Variants in FOXP2 observed in about 807,000 individuals in gnomAD.
FOXP2 encodes the protein forkhead box P2.
In FOXP2, 12 loss-of-function variants were observed where a neutral mutation model predicts 115.8. The observed-to-expected ratio is 0.10, with a 90% CI of 0.07 to 0.17. The LOEUF (loss-of-function observed/expected upper bound fraction) is 0.17, where lower values mean the gene tolerates loss of function less well. Among genes scored for constraint, FOXP2 ranks in the 10% least tolerant of loss-of-function variants. The pLI, the probability that FOXP2 is intolerant of heterozygous loss-of-function variation, is 1.00. For synonymous variants in FOXP2, 328 were observed against 297.7 expected (o/e 1.10, Z -1.05); for missense variants, 629 against 843.5 (o/e 0.75, Z 3.15).
chr7:114,543,176 G>C (rs1799763613), intron 3 of FOXP2, among the ~76,000 whole-genome samples: 1 of 151,978 alleles, frequency 6.6e-6, no homozygotes, highest in Non-Finnish European at 1.5e-5. Flanking sequence ...AATTATGTTT[G>C]GTCACTAAGT....
chr7:114,296,650 C>A (rs2129177498), intron 2 of FOXP2, among the ~76,000 whole-genome samples: 1 of 152,184 alleles, frequency 6.6e-6, no homozygotes, highest in African/African-American at 2.4e-5. Context: ...GCATATAATG[C>A]CGCAATAACA....
intron 2 of FOXP2, among the ~76,000 whole-genome samples, chr7:114,451,837 G>T (rs1163740303): frequency 6.6e-6 from 1 of 151,980 alleles, no homozygotes; most frequent in Non-Finnish European, 1.5e-5. Context: ...TAAGATAGAA[G>T]GATGATTAAG....
At chr7:114,417,880 T>C (rs1236718193) in intron 1 of FOXP2, among the ~76,000 whole-genome samples, 4 of 151,964 alleles carry the variant, frequency 2.6e-5, no homozygotes, top group African/African-American at 9.7e-5. Context: ...TTGGAAATGA[T>C]ACTATGAAAG....
At chr7:114,502,601 G>A (rs1797617264) in intron 2 of FOXP2, among the ~76,000 whole-genome samples, 1 of 152,162 alleles carries the variant, frequency 6.6e-6, no homozygotes, top group African/African-American at 2.4e-5. Flanking sequence ...ACAGAGTCAT[G>A]CAGAAATCTG....
At chr7:114,170,990 A>G (rs1323314213) in intron 1 of FOXP2, among the ~76,000 whole-genome samples, 1 of 152,222 alleles carries the variant, frequency 6.6e-6, no homozygotes, top group African/African-American at 2.4e-5. Flanking sequence ...CTAGCTAGAG[A>G]AGTGAGGTCA....
At chr7:114,480,759 A>G (rs562751335) in intron 2 of FOXP2, among the ~76,000 whole-genome samples, 107 of 150,560 alleles carry the variant, frequency 7.1e-4, no homozygotes, top group Admixed American at 1.9e-3. Context: ...GTATACGTAT[A>G]TATATACGTA....
At chr7:114,132,250 C>G (rs1021124389) in intron 1 of FOXP2, among the ~76,000 whole-genome samples, 1 of 151,914 alleles carries the variant, frequency 6.6e-6, no homozygotes, top group South Asian at 2.1e-4. Context: ...AATTCTTTTT[C>G]TACTTTTTTC....
chr7:114,518,933 G>T (rs73429327), intron 2 of FOXP2, among the ~76,000 whole-genome samples: 3,993 of 152,224 alleles, frequency 0.026, 176 homozygotes, highest in African/African-American at 0.088. Context: ...TTGTCAGTTT[G>T]CATCACCGTC....
At chr7:114,216,712 T>C (rs1412248660) in intron 1 of FOXP2, among the ~76,000 whole-genome samples, 2 of 152,156 alleles carry the variant, frequency 1.3e-5, no homozygotes, top group Non-Finnish European at 2.9e-5. Flanking sequence ...ATTTCTGGTG[T>C]CTGAATTGCT....
intron 3 of FOXP2, among the ~76,000 whole-genome samples, chr7:114,599,860 A>G (rs1010909825): frequency 2.5e-4 from 38 of 152,156 alleles, no homozygotes; most frequent in African/African-American, 8.9e-4. Context: ...AAAAATTAAT[A>G]GACTTTAGTT....
chr7:114,314,927 G>T (rs1294411470), intron 2 of FOXP2, among the ~76,000 whole-genome samples: 1 of 152,028 alleles, frequency 6.6e-6, no homozygotes, highest in Non-Finnish European at 1.5e-5. Context: ...TATATAGATG[G>T]CTATTTAACA....
At chr7:114,087,351 G>A (rs1799440372), upstream of FOXP2, among the ~76,000 whole-genome samples, 2 of 152,238 alleles carry the variant, frequency 1.3e-5, no homozygotes, top group South Asian at 4.1e-4. Flanking sequence ...CCCTGTCCAC[G>A]CGTTAGCACG....
Position 114,690,574 on chromosome 7 carries a change from C to A in FOXP2, c.*648C>A, listed in dbSNP as rs1296074712. ...TGTTGCAACCATCTAAAACCTTAGG[C>A]TTCCAGTCTGTGCTGTTAGTGTTAA... On this transcript the variant is annotated 3_prime_UTR_variant, in exon 17 of 17. Coordinates refer to ENST00000350908, the MANE Select transcript of FOXP2 (RefSeq NM_014491.4). 1.1e-5 allele frequency: 5 copies of A among 453,962 alleles called. No homozygotes were observed. The East Asian group carries it at 3.5e-4, about 32-fold the overall frequency. The allele number at this position is 453,962 out of a possible 1,614,324, so 28.1% of individuals were successfully genotyped here. A position where few individuals can be genotyped will look rare whatever the true frequency, so the allele number is the denominator to read the frequency against.
intron 2 of FOXP2, among the ~76,000 whole-genome samples, chr7:114,358,666 G>T (rs1277058291): frequency 2.0e-5 from 3 of 152,168 alleles, no homozygotes; most frequent in African/African-American, 7.2e-5. Context: ...ATATGCTTTA[G>T]CAAAGAGACT....
intron 1 of FOXP2, among the ~76,000 whole-genome samples, chr7:114,262,572 T>C (rs917016524): frequency 5.3e-5 from 8 of 152,170 alleles, no homozygotes; most frequent in African/African-American, 1.9e-4. Context: ...TCTACATAGT[T>C]CAGTATGGTA....
chr7:114,373,310 G>A (rs548180803), intron 2 of FOXP2, among the ~76,000 whole-genome samples: 3 of 152,198 alleles, frequency 2.0e-5, no homozygotes, highest in East Asian at 3.9e-4. Context: ...GTGAGCAGTC[G>A]CGCCCAGCCG....
intron 2 of FOXP2, among the ~76,000 whole-genome samples, chr7:114,484,654 T>C (rs1796696878): frequency 6.6e-6 from 1 of 151,936 alleles, no homozygotes; most frequent in Non-Finnish European, 1.5e-5. Context: ...GTCTTTTTCA[T>C]TTATTGTTAA....
chr7:114,131,401 T>C (rs906258911), intron 1 of FOXP2, among the ~76,000 whole-genome samples: 1 of 152,190 alleles, frequency 6.6e-6, no homozygotes, highest in African/African-American at 2.4e-5. Flanking sequence ...TGCCCCCTTA[T>C]GCCCATGCAC....
At chr7:114,295,201 T>A (rs1405997852) in intron 2 of FOXP2, among the ~76,000 whole-genome samples, 1 of 152,202 alleles carries the variant, frequency 6.6e-6, no homozygotes. Context: ...TTTAATGGTC[T>A]TATTTGCTGG....
Sources: allele counts gnomAD v4.1 joint callset (sites outside exome capture counted in the v4.1 genomes callset), GRCh38; gene constraint gnomAD v4.1.1; transcripts MANE v1.5; gene names NCBI Gene and HGNC (gene_info 2026-07-23, HGNC 2026-07-21).